Variants in MAGI2 observed in about 807,000 individuals in gnomAD.
MAGI2 encodes the protein membrane-associated guanylate kinase, WW and PDZ domain-containing protein 2.
Under a neutral mutation model 133.3 loss-of-function variants are expected in MAGI2, and 35 were observed. The ratio of observed to expected loss-of-function variants is 0.26; its 90% CI spans 0.20 to 0.35. The LOEUF (loss-of-function observed/expected upper bound fraction) is 0.35. Ranked by LOEUF, MAGI2 falls within the 10% of genes least tolerant of loss-of-function variation. The probability of loss-of-function intolerance (pLI) is 1.00; values close to 1 mark genes in which losing one functional copy is unlikely to be tolerated. For missense variants in MAGI2, 1,636 were observed against 1,863.4 expected (o/e 0.88, Z 2.25); for synonymous variants, 729 against 710.6 (o/e 1.03, Z -0.41).
intron 6 of MAGI2, among the ~76,000 whole-genome samples, chr7:78,397,047 A>G (rs1796410010): frequency 6.6e-6 from 1 of 152,122 alleles, no homozygotes; most frequent in East Asian, 1.9e-4. Context: ...AAATGGATAT[A>G]AAATGGTAGA....
At chr7:78,850,185 T>G (rs1273558459) in intron 2 of MAGI2, among the ~76,000 whole-genome samples, 2 of 152,032 alleles carry the variant, frequency 1.3e-5, no homozygotes, top group African/African-American at 4.8e-5. Flanking sequence ...AGTTTTTAGG[T>G]GCTGTTTTAC....
intron 6 of MAGI2, among the ~76,000 whole-genome samples, chr7:78,424,295 G>A (rs189978129): frequency 6.6e-6 from 1 of 152,194 alleles, no homozygotes; most frequent in Non-Finnish European, 1.5e-5. Flanking sequence ...GCCTGCAGGT[G>A]CACAGAAGTC....
intron 1 of MAGI2, among the ~76,000 whole-genome samples, chr7:79,110,362 C>T (rs373668671): frequency 3.3e-5 from 5 of 152,286 alleles, no homozygotes; most frequent in African/African-American, 1.2e-4. Flanking sequence ...CCTTGGGAGC[C>T]TACCCTTGCT....
chr7:78,473,550 G>A (rs1353692176), intron 6 of MAGI2, among the ~76,000 whole-genome samples: 1 of 151,696 alleles, frequency 6.6e-6, no homozygotes, highest in Non-Finnish European at 1.5e-5. Context: ...TCTCTCTCTG[G>A]TATGACGTAC....
intron 9 of MAGI2, among the ~76,000 whole-genome samples, chr7:78,306,210 G>A (rs1458134323): frequency 6.6e-6 from 1 of 152,110 alleles, no homozygotes; most frequent in African/African-American, 2.4e-5. Flanking sequence ...GTCTTTTTAA[G>A]GACGAGCTAA....
chr7:78,545,881 T>C (rs1798790177), intron 3 of MAGI2, among the ~76,000 whole-genome samples: 2 of 152,220 alleles, frequency 1.3e-5, no homozygotes, highest in African/African-American at 2.4e-5. Context: ...TAAAATGCAT[T>C]AACTTTATGG....
chr7:78,523,478 C>CA (rs1796688335), intron 3 of MAGI2, among the ~76,000 whole-genome samples: 1 of 151,346 alleles, frequency 6.6e-6, no homozygotes, highest in African/African-American at 2.4e-5. Flanking sequence ...GACTCCATCT[C>CA]AAAAAAATAA....
At chr7:78,857,344 A>G (rs920259690) in intron 2 of MAGI2, among the ~76,000 whole-genome samples, 10 of 152,114 alleles carry the variant, frequency 6.6e-5, no homozygotes, top group African/African-American at 2.4e-4. Context: ...TTTCAAAGGG[A>G]ATGCTTCCAG....
chr7:79,110,801 T>G (rs1029529828), intron 1 of MAGI2, among the ~76,000 whole-genome samples: 1 of 152,114 alleles, frequency 6.6e-6, no homozygotes, highest in African/African-American at 2.4e-5. Context: ...GTGTTGGAGG[T>G]GAGGACTGGT....
At position 79,320,226 on chromosome 7, in the gene MAGI2, A is replaced by G. The variant is rs187815681; in HGVS notation, c.301+132794T>C. Reference sequence around the variant, plus strand: ...TATATACAAAAAATCCCTGATATACAAATAACACACACACACAAAGAATAC... The same window carrying G: ...TATATACAAAAAATCCCTGATATACGAATAACACACACACACAAAGAATAC... On this transcript the variant is annotated intron_variant, in intron 1 of 21. Transcript: ENST00000354212. 4.7e-3 allele frequency among the ~76,000 whole-genome samples: 723 copies of G among 152,284 alleles called. 7 individuals carry two copies. Among genetic ancestry groups the G allele is most frequent in the African/African-American group, 0.016 (683 of 41,574 alleles).
chr7:78,880,119 G>C (rs1009833802), intron 2 of MAGI2, among the ~76,000 whole-genome samples: 1 of 134,544 alleles, frequency 7.4e-6, no homozygotes, highest in South Asian at 2.2e-4. Flanking sequence ...GAAAGAGAAG[G>C]AGAAAAAGTA....
At chr7:78,270,293 T>A (rs1036855959) in intron 9 of MAGI2, among the ~76,000 whole-genome samples, 5 of 152,232 alleles carry the variant, frequency 3.3e-5, no homozygotes, top group African/African-American at 7.2e-5. Context: ...TTTTTTCCAA[T>A]TCTGTGAAGA....
chr7:78,645,103 TGTGTGTGC>T (rs1810721271), intron 2 of MAGI2, among the ~76,000 whole-genome samples: 1 of 150,954 alleles, frequency 6.6e-6, no homozygotes, highest in Non-Finnish European at 1.5e-5. Context: ...AGCCTGTATA[TGTGTGTGC>T]GTGTGTGTGT....
At chr7:78,758,704 C>G (rs1311073460) in intron 2 of MAGI2, among the ~76,000 whole-genome samples, 2 of 152,160 alleles carry the variant, frequency 1.3e-5, no homozygotes, top group African/African-American at 4.8e-5. Flanking sequence ...TCTGTGTTGA[C>G]TAGGCCACCA....
intron 20 of MAGI2, among the ~76,000 whole-genome samples, chr7:78,099,508 A>C (rs1818013147): frequency 6.6e-6 from 1 of 152,172 alleles, no homozygotes; most frequent in African/African-American, 2.4e-5. Flanking sequence ...TATTCCCAAC[A>C]CAGATTTGAA....
intron 2 of MAGI2, among the ~76,000 whole-genome samples, chr7:78,924,578 G>T (rs1184469579): frequency 2.0e-5 from 3 of 152,024 alleles, no homozygotes; most frequent in Non-Finnish European, 4.4e-5. Context: ...TTTTTGATGT[G>T]CTGCTGGATT....
chr7:78,826,378 T>C (rs1255319299), intron 2 of MAGI2, among the ~76,000 whole-genome samples: 4 of 140,690 alleles, frequency 2.8e-5, no homozygotes, highest in Non-Finnish European at 6.2e-5. Flanking sequence ...AAAAAGAGTA[T>C]ATTAATAAGT....
chr7:78,442,977 A>T (rs1787773137), intron 6 of MAGI2, among the ~76,000 whole-genome samples: 1 of 152,196 alleles, frequency 6.6e-6, no homozygotes, highest in Admixed American at 6.5e-5. Context: ...TACATTTTAA[A>T]CAAGTCAAAG....
At chr7:79,059,369 T>A (rs1420585975) in intron 1 of MAGI2, among the ~76,000 whole-genome samples, 2 of 152,064 alleles carry the variant, frequency 1.3e-5, no homozygotes, top group Non-Finnish European at 2.9e-5. Context: ...ATATTTTTGC[T>A]GAGGTGAATG....
Sources: allele counts gnomAD v4.1 joint callset (sites outside exome capture counted in the v4.1 genomes callset), GRCh38; gene constraint gnomAD v4.1.1; transcripts MANE v1.5; gene names NCBI Gene and HGNC (gene_info 2026-07-23, HGNC 2026-07-21).